The following INSL6 variants were observed in gnomAD, a reference collection of about 807,000 sequenced individuals.
INSL6 encodes insulin like 6, also known as insulin-like peptide INSL6.
Under a neutral mutation model 9.4 loss-of-function variants are expected in INSL6, and 16 were observed. That is an observed-to-expected ratio of 1.70 (90% CI 1.15 to 2.59). The LOEUF is 2.59. Ranked by LOEUF, INSL6 falls within the 30% of genes most tolerant of loss-of-function variation. The pLI, the probability that INSL6 is intolerant of heterozygous loss-of-function variation, is 0.00. For synonymous variants in INSL6, 154 were observed against 96.9 expected, an observed-to-expected ratio of 1.59 and a Z score of -3.46; for missense variants, 391 against 257.3, an observed-to-expected ratio of 1.52 and a Z score of -3.56.
At chr9:5,123,650 C>T (rs1823779339), downstream of INSL6, among the ~76,000 whole-genome samples, 1 of 151,864 alleles carries the variant, frequency 6.6e-6, no homozygotes, top group South Asian at 2.1e-4. Context: ...GATTTCTTGT[C>T]CTTTAGGTAG....
the INSL6 span, among the ~76,000 whole-genome samples, chr9:5,019,209 A>G: frequency 2.6e-5 from 4 of 152,042 alleles, no homozygotes; most frequent in Non-Finnish European, 5.9e-5. Context: ...AGTTTGCTTT[A>G]TGGTATCCCA....
chr9:5,079,390 G>A, the INSL6 span, among the ~76,000 whole-genome samples: 2 of 152,054 alleles, frequency 1.3e-5, no homozygotes, highest in African/African-American at 2.4e-5. Context: ...AACTTTACTT[G>A]AGAAATTCCG....
At chr9:5,048,793 T>A in the INSL6 span, among the ~76,000 whole-genome samples, 1 of 152,208 alleles carries the variant, frequency 6.6e-6, no homozygotes, top group Non-Finnish European at 1.5e-5. Flanking sequence ...TTTAATTTCA[T>A]GAGACAAGTT....
the INSL6 span, chr9:5,081,783 G>A: frequency 6.2e-7 from 1 of 1,608,908 alleles, no homozygotes; most frequent in South Asian, 1.1e-5. Context: ...GTGCCCTGGG[G>A]TTTTCTGGTG....
the INSL6 span, among the ~76,000 whole-genome samples, chr9:5,077,970 A>G: frequency 3.3e-5 from 5 of 152,218 alleles, no homozygotes; most frequent in Admixed American, 6.5e-5. Flanking sequence ...CAGACCCCTC[A>G]GGGTGCACCT....
At chr9:5,046,078 G>C in the INSL6 span, among the ~76,000 whole-genome samples, 3 of 152,092 alleles carry the variant, frequency 2.0e-5, no homozygotes, top group Admixed American at 1.3e-4. Flanking sequence ...CATCTCTATG[G>C]GTTTGAGGTG....
chr9:5,077,821 T>C, the INSL6 span, among the ~76,000 whole-genome samples: 2 of 152,238 alleles, frequency 1.3e-5, no homozygotes, highest in East Asian at 3.8e-4. Context: ...ACAATCTGTA[T>C]GTTGTGTCTT....
chr9:5,058,676 A>C, the INSL6 span, among the ~76,000 whole-genome samples: 2 of 152,190 alleles, frequency 1.3e-5, no homozygotes, highest in African/African-American at 4.8e-5. Context: ...TACCAGGAGT[A>C]CATTCTCCAC....
chr9:5,041,581 G>A, the INSL6 span: 1 of 505,266 alleles, frequency 2.0e-6, no homozygotes, highest in Admixed American at 2.4e-5. Flanking sequence ...CACTACGTGC[G>A]GCGCCTGGAC....
At chr9:5,041,876 C>T in the INSL6 span, 3 of 435,026 alleles carry the variant, frequency 6.9e-6, no homozygotes, top group South Asian at 5.1e-5. Context: ...CCGGCCACTC[C>T]AGCGCCCATC....
At chr9:5,025,749 C>T in the INSL6 span, among the ~76,000 whole-genome samples, 1 of 152,130 alleles carries the variant, frequency 6.6e-6, no homozygotes, top group South Asian at 2.1e-4. Context: ...CCAAGCTTAT[C>T]TCAAACTCCT....
intron 2 of INSL6, among the ~76,000 whole-genome samples, chr9:5,154,126 T>C (rs1299190526): frequency 6.9e-6 from 1 of 145,288 alleles, no homozygotes; most frequent in Non-Finnish European, 1.5e-5. Context: ...AAAACAGAGA[T>C]ACAGACCAAT....
chr9:5,127,793 A>G, intron 3 of INSL6: 1 of 232,664 alleles, frequency 4.3e-6, no homozygotes, highest in Admixed American at 5.6e-5. Context: ...GCAGGTTAAG[A>G]ATTTTTTCCT....
the INSL6 span, chr9:5,054,876 A>G: frequency 6.3e-7 from 1 of 1,591,570 alleles, no homozygotes; most frequent in Non-Finnish European, 8.6e-7. The surrounding 1 kb of genome is among the most constrained non-coding windows in gnomAD (Gnocchi z 4.9). Context: ...TGAGACACTG[A>G]CAGAACAGGT....
chr9:5,085,245 G>A, the INSL6 span: 1 of 674,748 alleles, frequency 1.5e-6, no homozygotes, highest in South Asian at 1.4e-5. Context: ...CAGGACCAGT[G>A]GCTAACCTGA....
At chr9:5,176,666 G>C (rs1272651526) in intron 1 of INSL6, among the ~76,000 whole-genome samples, 1 of 150,638 alleles carries the variant, frequency 6.6e-6, no homozygotes, top group African/African-American at 2.4e-5. Flanking sequence ...ATACCTAATG[G>C]AGATATTTAA....
chr9:5,084,114 A>G, the INSL6 span, among the ~76,000 whole-genome samples: 23 of 152,184 alleles, frequency 1.5e-4, 1 homozygote, highest in Admixed American at 1.1e-3. Flanking sequence ...TCTTTTAAAC[A>G]TAAGTAAATT....
At chr9:5,024,391 T>A in the INSL6 span, among the ~76,000 whole-genome samples, 1 of 151,852 alleles carries the variant, frequency 6.6e-6, no homozygotes, top group Non-Finnish European at 1.5e-5. Context: ...AACAAAAAAC[T>A]CTTTCAGTCT....
the INSL6 span, chr9:5,065,188 TAATA>T: frequency 4.4e-6 from 2 of 455,716 alleles, no homozygotes; most frequent in Non-Finnish European, 7.6e-6. Context: ...TCAGATTACA[TAATA>T]ATTAGAATTA....
Sources: allele counts gnomAD v4.1 joint callset (sites outside exome capture counted in the v4.1 genomes callset), GRCh38; gene constraint gnomAD v4.1.1; non-coding constraint Gnocchi (gnomAD v3.1); transcripts MANE v1.5; gene names NCBI Gene and HGNC (gene_info 2026-07-23, HGNC 2026-07-21).